The following SEMA6D variants were observed in gnomAD, a reference collection of about 807,000 sequenced individuals.
SEMA6D encodes semaphorin-6D.
A neutral mutation model predicts 106.6 loss-of-function variants in SEMA6D; 35 were observed. The observed-to-expected ratio is 0.33, with a 90% confidence interval of 0.25 to 0.44. SEMA6D has a LOEUF of 0.44. Among genes scored for constraint, SEMA6D ranks in the 20% least tolerant of loss-of-function variants. The pLI, the probability that SEMA6D is intolerant of heterozygous loss-of-function variation, is 1.00. For synonymous variants in SEMA6D, 499 were observed against 487.7 expected (o/e 1.02, Z -0.31); for missense variants, 1,185 against 1,345.9 (o/e 0.88, Z 1.87).
chr15:47,548,005 ACACATTAT>A (rs1336786587), intron 3 of SEMA6D, among the ~76,000 whole-genome samples: 1 of 152,174 alleles, frequency 6.6e-6, no homozygotes, highest in African/African-American at 2.4e-5. Context: ...AAAACTGCTG[ACACATTAT>A]CCCCCTTGAT....
chr15:47,343,925 G>A (rs1451489797), intron 1 of SEMA6D, among the ~76,000 whole-genome samples: 1 of 151,918 alleles, frequency 6.6e-6, no homozygotes, highest in African/African-American at 2.4e-5. Context: ...ATGGGCAAAG[G>A]GTATGAACAG....
Position 47,770,914 on chromosome 15 carries a change from C to T in SEMA6D, c.2351C>T (p.Thr784Ile). The T allele has an allele frequency of 6.2e-7, 1 of 1,614,070 alleles. No homozygotes were observed. The highest frequency in any genetic ancestry group is 8.5e-7 in the Non-Finnish European group (1 of 1,180,000). The change falls in exon 19 of 19, where the codon ACC becomes ATC. Residue 784 changes from threonine to isoleucine, a missense_variant. Thr to Ile is a moderately conservative substitution (Grantham distance 89). This residue lies in a region of SEMA6D where 750 missense variants were observed against 783.5 expected (regional missense o/e 0.96). Transcript: ENST00000536845. The stretch of plus-strand genomic sequence containing the variant: ...TCTACACCCGTGCTTCACCAGAAGA[C>T]CCTGCAGGCCATGAAGAGCCACTCA... ...PESTPVLHQKTLQAMKSHSEK... is the reference protein window; with the variant it reads ...PESTPVLHQKILQAMKSHSEK...
chr15:47,534,841 A>G (rs1030054504), intron 3 of SEMA6D, among the ~76,000 whole-genome samples: 1 of 152,132 alleles, frequency 6.6e-6, no homozygotes, highest in Non-Finnish European at 1.5e-5. Context: ...TCTCCCTGCT[A>G]CACTGATGAA....
chr15:47,492,318 A>G (rs1200788230), intron 3 of SEMA6D, among the ~76,000 whole-genome samples: 3 of 152,228 alleles, frequency 2.0e-5, no homozygotes, highest in Non-Finnish European at 4.4e-5. Flanking sequence ...TATTATGGAA[A>G]TATAGAGTTG....
Position 47,467,345 on chromosome 15 carries a change from C to T in SEMA6D, c.-158-3129C>T, listed in dbSNP as rs116297248. ...GAAATCACTGTGGATTGACACACTC[C>T]GGGTCTGGTTGGGGCCAAGGAAATT... is the stretch of plus-strand genomic sequence containing the variant. On this transcript the variant is annotated intron_variant, in intron 2 of 19. Coordinates refer to the SEMA6D transcript ENST00000558014. Among the ~76,000 whole-genome samples, 595 of 152,196 alleles carry T rather than the reference C, an allele frequency of 3.9e-3. 6 individuals carry two copies. Among genetic ancestry groups the T allele is most frequent in the African/African-American group, 0.014 (571 of 41,512 alleles).
At chr15:47,494,745 T>TAGATAG (rs1567119676) in intron 3 of SEMA6D, among the ~76,000 whole-genome samples, 2 of 35,596 alleles carry the variant, frequency 5.6e-5, no homozygotes, top group African/African-American at 4.4e-4. Flanking sequence ...GATGGAGATA[T>TAGATAG]ATATATATAT....
chr15:47,214,158 A>C (rs993395370), intron 1 of SEMA6D, among the ~76,000 whole-genome samples: 3 of 152,224 alleles, frequency 2.0e-5, no homozygotes, highest in Non-Finnish European at 4.4e-5. Flanking sequence ...GACTAACCAT[A>C]TCTCTCTCAC....
intron 1 of SEMA6D, among the ~76,000 whole-genome samples, chr15:47,405,843 C>T (rs2040547609): frequency 6.6e-6 from 1 of 152,108 alleles, no homozygotes; most frequent in Admixed American, 6.6e-5. Context: ...TACAAATCCT[C>T]GTAATTTCAA....
At chr15:47,370,464 G>A (rs569923363) in intron 1 of SEMA6D, among the ~76,000 whole-genome samples, 56 of 152,022 alleles carry the variant, frequency 3.7e-4, no homozygotes, top group Non-Finnish European at 7.2e-4. Flanking sequence ...GCAGTGAGCC[G>A]ACATCGAGCC....
At chr15:47,229,102 C>T (rs1304470653) in intron 1 of SEMA6D, among the ~76,000 whole-genome samples, 1 of 152,030 alleles carries the variant, frequency 6.6e-6, no homozygotes, top group Admixed American at 6.6e-5. Flanking sequence ...CTTTGGTCTA[C>T]TGACTCCAAC....
At chr15:47,687,547 G>T (rs1362562381) in intron 4 of SEMA6D, among the ~76,000 whole-genome samples, 1 of 152,024 alleles carries the variant, frequency 6.6e-6, no homozygotes, top group Non-Finnish European at 1.5e-5. Context: ...ATCATGAAAG[G>T]CCCCCTTAAG....
At chr15:47,593,694 C>T (rs1353070617) in intron 3 of SEMA6D, among the ~76,000 whole-genome samples, 2 of 152,086 alleles carry the variant, frequency 1.3e-5, no homozygotes, top group Non-Finnish European at 2.9e-5. Flanking sequence ...ATTTAATTGG[C>T]TCATTATTCC....
chr15:47,318,173 G>A (rs2036764764), intron 1 of SEMA6D, among the ~76,000 whole-genome samples: 1 of 150,654 alleles, frequency 6.6e-6, no homozygotes, highest in Non-Finnish European at 1.5e-5. Flanking sequence ...AAATGAGGTA[G>A]GCATAAATTT....
chr15:47,361,018 G>T (rs959672444), intron 1 of SEMA6D, among the ~76,000 whole-genome samples: 1 of 152,224 alleles, frequency 6.6e-6, no homozygotes, highest in South Asian at 2.1e-4. Context: ...ATGAGGATTT[G>T]TTGTGGAAGC....
chr15:47,304,571 C>T (rs1257432740), intron 1 of SEMA6D, among the ~76,000 whole-genome samples: 1 of 151,246 alleles, frequency 6.6e-6, no homozygotes, highest in African/African-American at 2.4e-5. Flanking sequence ...GGTAAAACTA[C>T]TCCAGGTCTT....
intron 1 of SEMA6D, among the ~76,000 whole-genome samples, chr15:47,312,558 C>T (rs2036491631): frequency 6.6e-6 from 1 of 152,114 alleles, no homozygotes; most frequent in African/African-American, 2.4e-5. Context: ...CTTGCTTCCC[C>T]TCTTTACATT....
At chr15:47,624,906 T>C (rs1269922881) in intron 4 of SEMA6D, among the ~76,000 whole-genome samples, 1 of 152,194 alleles carries the variant, frequency 6.6e-6, no homozygotes, top group Non-Finnish European at 1.5e-5. Flanking sequence ...TGAGATAATT[T>C]CACATAGACT....
intron 1 of SEMA6D, among the ~76,000 whole-genome samples, chr15:47,393,961 G>C (rs1388469681): frequency 6.6e-6 from 1 of 152,176 alleles, no homozygotes; most frequent in African/African-American, 2.4e-5. Flanking sequence ...GAGATTCAGA[G>C]AGGTTGAGCA....
intron 3 of SEMA6D, among the ~76,000 whole-genome samples, chr15:47,482,824 A>G (rs568285862): frequency 6.6e-6 from 1 of 152,180 alleles, no homozygotes; most frequent in East Asian, 1.9e-4. Context: ...ATGGGAACAT[A>G]TTAACTAGAT....
Sources: gnomAD v4.1 joint callset for allele counts (sites outside exome capture counted in the v4.1 genomes callset) on GRCh38, gnomAD v4.1.1 for gene constraint, gnomAD v4.1.1 regional missense constraint, MANE v1.5 for transcripts, NCBI Gene and HGNC (gene_info 2026-07-23, HGNC 2026-07-21) for gene names.